Variants in MFSD6 observed in about 807,000 individuals in gnomAD.
MFSD6 encodes major facilitator superfamily domain-containing protein 6.
MFSD6 carries 26 observed loss-of-function variants against 56.3 expected under a neutral mutation model. The observed-to-expected ratio is 0.46, with a 90% CI of 0.34 to 0.64. The LOEUF (loss-of-function observed/expected upper bound fraction) is 0.64. Among genes scored for constraint, MFSD6 ranks in the 30% least tolerant of loss-of-function variants. The pLI, the probability that MFSD6 is intolerant of heterozygous loss-of-function variation, is 0.01. For missense variants in MFSD6, 750 were observed against 986.2 expected, an observed-to-expected ratio of 0.76 and a Z score of 3.21; for synonymous variants, 331 against 366.9, an observed-to-expected ratio of 0.90 and a Z score of 1.12.
rs1471953262 is a variant in MFSD6, at chr2:190,418,005, T to TGTGTGA, written c.-54+2593_-54+2594insTGTGAG. On this transcript the variant is annotated intron_variant, in intron 2 of 7. Coordinates refer to ENST00000392328, the MANE Select transcript of MFSD6 (RefSeq NM_017694.4). The surrounding 1 kb of genome is among the most constrained non-coding windows in gnomAD (Gnocchi z 4.1). ...GTGTGTGTGTGTGTGTGTGTGTATG[T>TGTGTGA]GAGAGAGAGAGAGATGTGGTTTATC... Among the ~76,000 whole-genome samples, 1 of 149,910 alleles carries TGTGTGA rather than the reference T, an allele frequency of 6.7e-6. No homozygotes were observed. The highest frequency in any genetic ancestry group is 2.5e-5 in the African/African-American group (1 of 40,782).
rs1277061303 is a variant in MFSD6, at chr2:190,488,704, G to A, written c.1678G>A (p.Ala560Thr). 3 of 1,604,082 alleles carry A rather than the reference G, an allele frequency of 1.9e-6. No homozygotes were observed. The highest frequency in any genetic ancestry group is 2.7e-5 in the African/African-American group (2 of 74,506). The change falls in exon 5 of 8, where the codon GCA (alanine) becomes ACA (threonine). Residue 560 changes from alanine (A) to threonine (T), a missense_variant. By Grantham distance (58) the Ala-to-Thr change is moderately conservative. Around this residue, in one of 5 missense-constraint regions of MFSD6, gnomAD observed 125 missense variants for 223.1 expected, o/e 0.56. Transcript: ENST00000392328. The surrounding 1 kb of genome is among the most constrained non-coding windows in gnomAD (Gnocchi z 6.4). The part of the protein sequence containing the change: ...IWAACISYLS[A>T]AVPPELRTSA... ...GGCAGCATGCATTTCTTACCTCAGT[G>A]CAGCCGTTCCCCCTGAGCTGAGGAC...
rs780884437 is a variant in MFSD6 at position 190,437,311 on chromosome 2, AGCCACTCGCAG to A, written c.1286_1296del (p.His429LeufsTer61). On this transcript the variant is annotated frameshift_variant, in exon 3 of 8. Coordinates refer to ENST00000392328, the MANE Select transcript of MFSD6 (RefSeq NM_017694.4). LOFTEE classifies it high-confidence loss of function. The surrounding 1 kb of genome is among the most constrained non-coding windows in gnomAD (Gnocchi z 5.9). Reference sequence around the variant, plus strand: ...CTCTGAGGAGACACCAACCACCACAAGCCACTCGCAGGCCTTCAACTTTTGGGACTTAATCA... The same window carrying A: ...CTCTGAGGAGACACCAACCACCACAAGCCTTCAACTTTTGGGACTTAATCA... 5.0e-6 allele frequency: 8 copies of A among 1,614,130 alleles called. No individual in the cohort carries two copies. Among genetic ancestry groups the A allele is most frequent in the Non-Finnish European group, 5.9e-6 (7 of 1,180,054 alleles).
chr2:190,448,681 A>G (rs1686670171), intron 3 of MFSD6, among the ~76,000 whole-genome samples: 2 of 152,216 alleles, frequency 1.3e-5, no homozygotes, highest in Non-Finnish European at 2.9e-5. Flanking sequence ...GGAATAATAC[A>G]CTCTAAATTC....
rs755289509 is a variant in MFSD6, at chr2:190,436,023, G to A, written c.-7G>A. 1.3e-6 allele frequency: 2 copies of A among 1,599,158 alleles called. No homozygotes were observed. The highest frequency in any genetic ancestry group is 1.3e-5 in the African/African-American group (1 of 74,384). ...GTTTGTAAACTTGCTGATGGTGGTG[G>A]TAAGCCATGGCAGATGATAAAGTTG... On this transcript the variant is annotated 5_prime_UTR_variant, in exon 3 of 8. Coordinates refer to ENST00000392328, the MANE Select transcript of MFSD6 (RefSeq NM_017694.4). This position sits in a 1 kb window ranked among gnomAD's most constrained non-coding sequence, Gnocchi z 5.3.
At chr2:190,430,168 A>G (rs1035318340) in intron 2 of MFSD6, among the ~76,000 whole-genome samples, 2 of 151,184 alleles carry the variant, frequency 1.3e-5, no homozygotes, top group African/African-American at 4.9e-5. Flanking sequence ...CCTGCAAAGG[A>G]CATGAACGCA....
rs376040308 is a variant in MFSD6 at position 190,495,028 on chromosome 2, G to A, written c.1892-2411G>A. On this transcript the variant is annotated intron_variant, in intron 6 of 7. Coordinates refer to ENST00000392328, the MANE Select transcript of MFSD6 (RefSeq NM_017694.4). The surrounding 1 kb of genome is among the most constrained non-coding windows in gnomAD (Gnocchi z 4.7). The stretch of plus-strand genomic sequence containing the variant: ...AGTCAGACAAGAGAAGGAAATAAAG[G>A]GCATCCAAATAGGTAAAGAGGAAGT... 8.5e-5 allele frequency among the ~76,000 whole-genome samples: 13 copies of A among 152,218 alleles called. 2 individuals are homozygous for A. Among genetic ancestry groups the A allele is most frequent in the African/African-American group, 2.9e-4 (12 of 41,546 alleles).
Position 190,501,632 on chromosome 2 carries a change from G to C in MFSD6, c.*1414G>C, listed in dbSNP as rs1690029625. 6.6e-6 allele frequency: 1 copy of C among 152,514 alleles called. No homozygotes were observed. The highest frequency in any genetic ancestry group is 6.5e-5 in the Admixed American group (1 of 15,278). 9.4% of individuals were successfully genotyped at this position (152,514 alleles called of 1,614,324 possible). A position where few individuals can be genotyped will look rare whatever the true frequency, so the allele number is the denominator to read the frequency against. On this transcript the variant is annotated 3_prime_UTR_variant, in exon 8 of 8. Coordinates refer to ENST00000392328, the MANE Select transcript of MFSD6 (RefSeq NM_017694.4). Reference sequence around the variant, plus strand: ...CTTACCCTCTGACCCTGATTAGACAGGATCAATTGTAAAGTGAGGGCTTCT... The same window carrying C: ...CTTACCCTCTGACCCTGATTAGACACGATCAATTGTAAAGTGAGGGCTTCT...
chr2:190,470,319 G>A lies in MFSD6; in HGVS notation c.1630+464G>A, dbSNP rs950771645. Among the ~76,000 whole-genome samples the A allele has an allele frequency of 5.9e-5, 9 of 152,162 alleles. No homozygotes were observed. In the South Asian group the frequency reaches 6.2e-4, roughly 11 times the overall value. On this transcript the variant is annotated intron_variant, in intron 4 of 7. Coordinates refer to ENST00000392328, the MANE Select transcript of MFSD6 (RefSeq NM_017694.4). ...ATAACTAAAGTTTTATAGCCACACC[G>A]TTGTTTTTCCATGAACTTTAAAAAA...
rs1032057074 is a variant in MFSD6, at chr2:190,413,134, G to T, written c.-175-2158G>T. Among the ~76,000 whole-genome samples, 4 of 152,128 alleles carry T rather than the reference G, an allele frequency of 2.6e-5. No individual in the cohort carries two copies. Among genetic ancestry groups the T allele is most frequent in the African/African-American group, 9.7e-5 (4 of 41,418 alleles). ...CCAACAAAAACTACATCCCAATGTT[G>T]TATGTATTCAAAGTAGCCTCTCCCT... On this transcript the variant is annotated intron_variant, in intron 1 of 7. Transcript: ENST00000392328. This position sits in a 1 kb window ranked among gnomAD's most constrained non-coding sequence, Gnocchi z 4.1.
rs1002516558 is a variant in MFSD6, at chr2:190,443,424, T to C, written c.1532+5863T>C. ...GCAATTGCTTCAACAATGACCAGCA[T>C]AGATTAGGAGTTCAGCTTATTTTAC... On this transcript the variant is annotated intron_variant, in intron 3 of 7. Transcript: ENST00000392328. This position sits in a 1 kb window ranked among gnomAD's most constrained non-coding sequence, Gnocchi z 4.2. Among the ~76,000 whole-genome samples, 2 of 152,194 alleles carry C rather than the reference T, an allele frequency of 1.3e-5. No homozygotes were observed. The highest frequency in any genetic ancestry group is 2.9e-5 in the Non-Finnish European group (2 of 68,038).
In MFSD6 at chr2:190,416,948, A is replaced by G. The variant is rs952615731; in HGVS notation, c.-54+1535A>G. Among the ~76,000 whole-genome samples, 1 of 152,192 alleles carries G rather than the reference A, an allele frequency of 6.6e-6. No individual in the cohort carries two copies. The highest frequency in any genetic ancestry group is 1.5e-5 in the Non-Finnish European group (1 of 68,034). On this transcript the variant is annotated intron_variant, in intron 2 of 7. Transcript: ENST00000392328. The surrounding 1 kb of genome is among the most constrained non-coding windows in gnomAD (Gnocchi z 4.1). The stretch of plus-strand genomic sequence containing the variant: ...AAAAATTTATATGTTTATTGTCATC[A>G]GGTGCTTGTCAAAATAAACAGTATT...
rs1180128129 is a variant in MFSD6, at chr2:190,473,154, G to A, written c.1630+3299G>A. Among the ~76,000 whole-genome samples, 13 of 152,226 alleles carry A rather than the reference G, an allele frequency of 8.5e-5. No homozygotes were observed. The South Asian group carries it at 2.1e-3, about 24-fold the overall frequency. ...AACATGCCAAATTGTAAAGACCATC[G>A]AGGCTAGGAAGAAACTGCATCAACC... On this transcript the variant is annotated intron_variant, in intron 4 of 7. Coordinates refer to ENST00000392328, the MANE Select transcript of MFSD6 (RefSeq NM_017694.4).
chr2:190,452,142 AC>A (rs978632412), intron 3 of MFSD6, among the ~76,000 whole-genome samples: 5 of 152,132 alleles, frequency 3.3e-5, no homozygotes, highest in Non-Finnish European at 7.4e-5. Context: ...AAAGTAAAAA[AC>A]AAAAATAAGT....
Position 190,497,091 on chromosome 2 carries a change from C to T in MFSD6, c.1892-348C>T, listed in dbSNP as rs938848558. Among the ~76,000 whole-genome samples, 4 of 152,144 alleles carry T rather than the reference C, an allele frequency of 2.6e-5. No homozygotes were observed. The highest frequency in any genetic ancestry group is 6.5e-5 in the Admixed American group (1 of 15,280). On this transcript the variant is annotated intron_variant, in intron 6 of 7. Coordinates refer to ENST00000392328, the MANE Select transcript of MFSD6 (RefSeq NM_017694.4). This position sits in a 1 kb window ranked among gnomAD's most constrained non-coding sequence, Gnocchi z 5.2. ...TTTTTAAAAAATAACTATCACGTGG[C>T]TTTTCCTGTTTTGACGTCTTTTTAA...
Position 190,499,272 on chromosome 2 carries a change from T to C in MFSD6, c.2173-743T>C, listed in dbSNP as rs13425840. Among the ~76,000 whole-genome samples, 164 of 152,358 alleles carry C rather than the reference T, an allele frequency of 1.1e-3. 1 individual carries two copies. The highest frequency in any genetic ancestry group is 3.8e-3 in the African/African-American group (156 of 41,576). ...TTATACTAAGTTTCTTTTTCTTTCA[T>C]TGTAGAATCACAGAAATGAACATTT... On this transcript the variant is annotated intron_variant, in intron 7 of 7. Transcript: ENST00000392328. The surrounding 1 kb of genome is among the most constrained non-coding windows in gnomAD (Gnocchi z 6.0).
At chr2:190,409,274 A>G (rs1690454517) in intron 1 of MFSD6, among the ~76,000 whole-genome samples, 1 of 152,042 alleles carries the variant, frequency 6.6e-6, no homozygotes, top group Non-Finnish European at 1.5e-5. Context: ...TACAAACGCA[A>G]CTTTCCCCCT....
rs955473223 is a variant in MFSD6 at position 190,456,277 on chromosome 2, T to A, written c.1533-13481T>A. Among the ~76,000 whole-genome samples, 82 of 152,248 alleles carry A rather than the reference T, an allele frequency of 5.4e-4. No individual in the cohort carries two copies. Among genetic ancestry groups the A allele is most frequent in the African/African-American group, 1.5e-3 (64 of 41,550 alleles). On this transcript the variant is annotated intron_variant, in intron 3 of 7. Coordinates refer to ENST00000392328, the MANE Select transcript of MFSD6 (RefSeq NM_017694.4). This position sits in a 1 kb window ranked among gnomAD's most constrained non-coding sequence, Gnocchi z 5.4. ...TTTCCTTACTTGAAAAATCCATGAC[T>A]TAAATTTCACTTCAGACAGAGAAGG...
chr2:190,474,270 T>G (rs1458749037), intron 4 of MFSD6, among the ~76,000 whole-genome samples: 1 of 152,018 alleles, frequency 6.6e-6, no homozygotes, highest in Non-Finnish European at 1.5e-5. Flanking sequence ...AATCAATGAA[T>G]CCAGGAGCTG....
Position 190,436,718 on chromosome 2 carries a change from C to G in MFSD6, c.689C>G (p.Thr230Arg). The change falls in exon 3 of 8, where the codon ACA becomes AGA. Residue 230 changes from threonine to arginine, a missense_variant. Thr to Arg is a moderately conservative substitution (Grantham distance 71). Coordinates refer to ENST00000392328, the MANE Select transcript of MFSD6 (RefSeq NM_017694.4). This position sits in a 1 kb window ranked among gnomAD's most constrained non-coding sequence, Gnocchi z 5.3. ...MNSEPTLQPQ[T>R]GEITNRMMDL... Reference sequence around the variant, plus strand: ...AGTGAACCCACTCTGCAGCCCCAGACAGGTGAAATTACTAACCGTATGATG... The same window carrying G: ...AGTGAACCCACTCTGCAGCCCCAGAGAGGTGAAATTACTAACCGTATGATG... 10 of 1,614,234 alleles carry G rather than the reference C, an allele frequency of 6.2e-6. No individual in the cohort carries two copies. The highest frequency in any genetic ancestry group is 8.5e-6 in the Non-Finnish European group (10 of 1,180,048).
Sources: allele counts gnomAD v4.1 joint callset (sites outside exome capture counted in the v4.1 genomes callset), GRCh38; gene constraint gnomAD v4.1.1; regional missense constraint gnomAD v4.1.1; non-coding constraint Gnocchi (gnomAD v3.1); transcripts MANE v1.5; gene names NCBI Gene and HGNC (gene_info 2026-07-23, HGNC 2026-07-21).